The following OPHN1 variants were observed in gnomAD, a reference collection of about 807,000 sequenced individuals.
The protein encoded by OPHN1 is oligophrenin 1.
OPHN1 carries 11 observed loss-of-function variants against 60.7 expected under a neutral mutation model. The observed-to-expected ratio is 0.18, with a 90% CI of 0.11 to 0.30. OPHN1 has a LOEUF of 0.30. Ranked by LOEUF, OPHN1 falls within the 10% of genes least tolerant of loss-of-function variation. The pLI, the probability that OPHN1 is intolerant of heterozygous loss-of-function variation, is 1.00. For missense variants in OPHN1, 449 were observed against 611.0 expected (o/e 0.73, Z 2.80); for synonymous variants, 226 against 222.6 (o/e 1.02, Z -0.14).
chrX:68,108,123 T>C (rs751930488), intron 18 of OPHN1, among the ~76,000 whole-genome samples: 2 of 112,672 alleles, frequency 1.8e-5, no homozygotes, highest in South Asian at 7.3e-4. Flanking sequence ...TTTATTGTTA[T>C]TGATGTTCAG....
intron 15 of OPHN1, among the ~76,000 whole-genome samples, chrX:68,155,860 T>A (rs1289622850): frequency 1.8e-5 from 2 of 111,992 alleles, no homozygotes; most frequent in Non-Finnish European, 3.8e-5. Context: ...GGTAAAACAG[T>A]TGTAATAACA....
chrX:68,223,294 C>A (rs547774475), intron 6 of OPHN1, among the ~76,000 whole-genome samples: 4 of 112,245 alleles, frequency 3.6e-5, no homozygotes, highest in African/African-American at 1.3e-4. Context: ...ATCTAAGTGC[C>A]CATCAACTGA....
At chrX:68,137,604 C>T (rs1018007561) in intron 15 of OPHN1, among the ~76,000 whole-genome samples, 4 of 111,519 alleles carry the variant, frequency 3.6e-5, no homozygotes, top group Non-Finnish European at 7.5e-5. Context: ...AAGACTAGAA[C>T]GGACATCTTG....
chrX:68,071,579 G>A, intron 20 of OPHN1: 1 of 583,266 alleles, frequency 1.7e-6, no homozygotes, highest in Admixed American at 2.2e-5. Flanking sequence ...GCTGGCCTAG[G>A]TGGCTCATAA....
At chrX:68,414,510 C>T (rs888523753) in intron 2 of OPHN1, among the ~76,000 whole-genome samples, 5 of 112,136 alleles carry the variant, frequency 4.5e-5, no homozygotes, top group Admixed American at 1.9e-4. Flanking sequence ...GTTTATGGCA[C>T]AAGCACTGTC....
In OPHN1 at chrX:68,111,964, G is replaced by A; in HGVS notation, c.1421-5C>T. On this transcript the variant is annotated splice_region_variant and splice_polypyrimidine_tract_variant and intron_variant, in intron 17 of 24. Coordinates refer to ENST00000355520, the MANE Select transcript of OPHN1 (RefSeq NM_002547.3). ...GGTAATCCAGGTTGTCAGACTCTGG[G>A]ATAGAACAGTAAGAGATAAATGGTT... 2 of 1,147,714 alleles carry A rather than the reference G, an allele frequency of 1.7e-6. No individual in the cohort carries two copies. The highest frequency in any genetic ancestry group is 3.6e-5 in the South Asian group (2 of 55,482). 94.6% of individuals were successfully genotyped at this position (1,147,714 alleles called of 1,213,427 possible). A position where few individuals can be genotyped will look rare whatever the true frequency, so the allele number is the denominator to read the frequency against.
chrX:68,054,594 C>A (rs1171181493), intron 21 of OPHN1, among the ~76,000 whole-genome samples: 2 of 110,982 alleles, frequency 1.8e-5, no homozygotes, highest in Non-Finnish European at 3.8e-5. Context: ...AAAAAAAACA[C>A]TTAAGAAAAA....
chrX:68,275,498 G>T (rs1012285953), intron 4 of OPHN1, among the ~76,000 whole-genome samples: 2 of 111,417 alleles, frequency 1.8e-5, no homozygotes, highest in African/African-American at 6.5e-5. Flanking sequence ...CCTCTTATGA[G>T]ATTGTATATG....
intron 10 of OPHN1, among the ~76,000 whole-genome samples, chrX:68,204,645 C>T (rs2077550173): frequency 8.9e-6 from 1 of 111,854 alleles, no homozygotes; most frequent in Non-Finnish European, 1.9e-5. Context: ...CAAGTAACCC[C>T]CACCACCTCC....
chrX:68,414,194 T>A (rs181558664), intron 2 of OPHN1, among the ~76,000 whole-genome samples: 1 of 111,780 alleles, frequency 8.9e-6, no homozygotes, highest in African/African-American at 3.2e-5. Flanking sequence ...TGATATAACA[T>A]CAGACCCAAG....
chrX:68,295,448 C>T (rs759798493), intron 3 of OPHN1, among the ~76,000 whole-genome samples: 6 of 111,950 alleles, frequency 5.4e-5, no homozygotes, highest in African/African-American at 1.9e-4. Context: ...GGATTATACT[C>T]CCCCACTATA....
At chrX:68,096,379 G>C (rs184142526) in intron 19 of OPHN1, among the ~76,000 whole-genome samples, 31 of 111,581 alleles carry the variant, frequency 2.8e-4, no homozygotes, top group African/African-American at 1.0e-3. Flanking sequence ...TGCTTCTTTG[G>C]GTCTTCATTT....
chrX:68,347,564 T>C (rs760388455), intron 2 of OPHN1, among the ~76,000 whole-genome samples: 12 of 111,221 alleles, frequency 1.1e-4, no homozygotes, highest in Non-Finnish European at 2.3e-4. Flanking sequence ...GCAATCGTCC[T>C]GCCTCAGCCT....
intron 2 of OPHN1, among the ~76,000 whole-genome samples, chrX:68,336,874 TGAAACCCCA>T (rs2078326199): frequency 9.1e-6 from 1 of 110,262 alleles, no homozygotes; most frequent in Admixed American, 9.8e-5. Context: ...GCCAACATGG[TGAAACCCCA>T]TCTCTACCAA....
At chrX:68,113,977 A>G (rs1001061097) in intron 16 of OPHN1, among the ~76,000 whole-genome samples, 39 of 65,544 alleles carry the variant, frequency 6.0e-4, no homozygotes, top group Non-Finnish European at 8.4e-4. Context: ...TAATAAAAAA[A>G]AAAAGAAAAA....
chrX:68,392,521 T>C (rs1244363619), intron 2 of OPHN1, among the ~76,000 whole-genome samples: 1 of 109,849 alleles, frequency 9.1e-6, no homozygotes, highest in Non-Finnish European at 1.9e-5. Flanking sequence ...AAATACTGGA[T>C]GGAAGAGAGT....
chrX:68,090,791 C>T (rs1476460830), intron 19 of OPHN1, among the ~76,000 whole-genome samples: 1 of 111,375 alleles, frequency 9.0e-6, no homozygotes, highest in Non-Finnish European at 1.9e-5. Context: ...AAGACTATAC[C>T]ATTCAGTCTT....
chrX:68,408,640 C>A (rs1487430922), intron 2 of OPHN1, among the ~76,000 whole-genome samples: 5 of 112,721 alleles, frequency 4.4e-5, no homozygotes, highest in African/African-American at 1.6e-4. Flanking sequence ...AATATTCTAA[C>A]TGATGTGCAT....
At chrX:68,312,252 ATTT>A (rs1238021221) in intron 2 of OPHN1, among the ~76,000 whole-genome samples, 1 of 69,803 alleles carries the variant, frequency 1.4e-5, no homozygotes, top group Non-Finnish European at 2.5e-5. Flanking sequence ...GGCTCGGCTA[ATTT>A]TTTTTTTTTT....
Sources: allele counts gnomAD v4.1 joint callset (sites outside exome capture counted in the v4.1 genomes callset), GRCh38; gene constraint gnomAD v4.1.1; transcripts MANE v1.5; gene names NCBI Gene and HGNC (gene_info 2026-07-23, HGNC 2026-07-21).